Variants in CNTNAP2 observed in about 807,000 individuals in gnomAD.
CNTNAP2 encodes contactin associated protein 2.
Under a neutral mutation model 155.2 loss-of-function variants are expected in CNTNAP2, and 98 were observed. The observed-to-expected ratio is 0.63, with a 90% confidence interval of 0.54 to 0.75. CNTNAP2 has a LOEUF of 0.75. CNTNAP2 is among the 30% of genes least tolerant of loss of function. The pLI, the probability that CNTNAP2 is intolerant of heterozygous loss-of-function variation, is 0.00. For missense variants in CNTNAP2, 1,727 were observed against 1,688.1 expected, an observed-to-expected ratio of 1.02 and a Z score of -0.40; for synonymous variants, 651 against 631.2, an observed-to-expected ratio of 1.03 and a Z score of -0.47.
chr7:148,094,650 T>C (rs904038266), intron 15 of CNTNAP2, among the ~76,000 whole-genome samples: 3 of 152,208 alleles, frequency 2.0e-5, no homozygotes, highest in African/African-American at 7.2e-5. Flanking sequence ...TGATTTTGCA[T>C]GGGCATGAGA....
At chr7:146,887,036 T>G (rs1174226176) in intron 3 of CNTNAP2, among the ~76,000 whole-genome samples, 1 of 152,000 alleles carries the variant, frequency 6.6e-6, no homozygotes, top group Non-Finnish European at 1.5e-5. Flanking sequence ...CCCCTCATGC[T>G]TCTCTCCATT....
intron 13 of CNTNAP2, among the ~76,000 whole-genome samples, chr7:147,810,971 G>C (rs1798170531): frequency 6.6e-6 from 1 of 152,180 alleles, no homozygotes; most frequent in Non-Finnish European, 1.5e-5. Context: ...GTTCAAGAGA[G>C]GCACTCAGTT....
intron 10 of CNTNAP2, among the ~76,000 whole-genome samples, chr7:147,447,080 C>T (rs1453125425): frequency 1.3e-5 from 2 of 151,962 alleles, no homozygotes; most frequent in Admixed American, 6.6e-5. Flanking sequence ...TTTTTAATTA[C>T]TATGACTTCT....
At chr7:146,135,590 A>G (rs897134417) in intron 1 of CNTNAP2, among the ~76,000 whole-genome samples, 34 of 152,070 alleles carry the variant, frequency 2.2e-4, no homozygotes, top group Admixed American at 2.2e-3. Flanking sequence ...TATTATACAT[A>G]TGAGTGTGGT....
intron 15 of CNTNAP2, among the ~76,000 whole-genome samples, chr7:148,083,285 A>G (rs76548226): frequency 0.028 from 4,212 of 152,262 alleles, 91 homozygotes; most frequent in Non-Finnish European, 0.039. Flanking sequence ...TGACACTGAC[A>G]TTTTCTCAGT....
At chr7:146,933,243 T>C (rs971808668) in intron 3 of CNTNAP2, among the ~76,000 whole-genome samples, 28 of 152,058 alleles carry the variant, frequency 1.8e-4, no homozygotes, top group African/African-American at 5.8e-4. Flanking sequence ...AATAGAGATA[T>C]AGATCAATGG....
At chr7:147,045,281 C>T (rs755525674) in intron 4 of CNTNAP2, among the ~76,000 whole-genome samples, 3 of 152,024 alleles carry the variant, frequency 2.0e-5, no homozygotes, top group Non-Finnish European at 4.4e-5. Context: ...ATTTCAAATG[C>T]CCCCGTTGGA....
chr7:146,640,567 T>G (rs1799687878), intron 1 of CNTNAP2, among the ~76,000 whole-genome samples: 1 of 152,170 alleles, frequency 6.6e-6, no homozygotes, highest in Admixed American at 6.5e-5. Context: ...ATTAGTTTAA[T>G]GAGAATTATT....
chr7:147,611,427 G>T (rs1040192016), intron 12 of CNTNAP2, among the ~76,000 whole-genome samples: 7 of 152,132 alleles, frequency 4.6e-5, no homozygotes, highest in Non-Finnish European at 8.8e-5. Context: ...TGTAAATGTA[G>T]TCAGTAACTC....
intron 21 of CNTNAP2, among the ~76,000 whole-genome samples, chr7:148,270,058 G>A (rs773424229): frequency 3.4e-4 from 51 of 152,234 alleles, no homozygotes; most frequent in Middle Eastern, 3.4e-3. Flanking sequence ...TGATTTCTAG[G>A]TTCTGTCACT....
chr7:146,178,909 C>G (rs963599998), intron 1 of CNTNAP2, among the ~76,000 whole-genome samples: 19 of 152,276 alleles, frequency 1.2e-4, no homozygotes, highest in Non-Finnish European at 2.5e-4. Flanking sequence ...TCTAAAGCCA[C>G]CTAGCAGCTC....
At chr7:146,277,151 C>T (rs1251328279) in intron 1 of CNTNAP2, among the ~76,000 whole-genome samples, 1 of 152,046 alleles carries the variant, frequency 6.6e-6, no homozygotes, top group Non-Finnish European at 1.5e-5. Context: ...CCAACGGAGG[C>T]CTGGAGCAAC....
intron 13 of CNTNAP2, among the ~76,000 whole-genome samples, chr7:147,782,435 T>C (rs1297234123): frequency 6.6e-6 from 1 of 152,158 alleles, no homozygotes; most frequent in Non-Finnish European, 1.5e-5. Flanking sequence ...AATAGAAATG[T>C]ATTGCTCATT....
At chr7:147,655,385 A>C (rs551299445) in intron 13 of CNTNAP2, among the ~76,000 whole-genome samples, 223 of 152,302 alleles carry the variant, frequency 1.5e-3, no homozygotes, top group Admixed American at 2.0e-3. Context: ...GGCCTCCCAA[A>C]GTGCTGGGAT....
At chr7:147,641,116 C>T (rs1359500348) in intron 13 of CNTNAP2, among the ~76,000 whole-genome samples, 3 of 152,158 alleles carry the variant, frequency 2.0e-5, no homozygotes, top group Non-Finnish European at 2.9e-5. Context: ...CAAAGCTTGC[C>T]GGCCTGGCTC....
At chr7:147,881,886 C>T (rs894746939) in intron 13 of CNTNAP2, among the ~76,000 whole-genome samples, 4 of 152,032 alleles carry the variant, frequency 2.6e-5, no homozygotes, top group Non-Finnish European at 4.4e-5. Flanking sequence ...GTAGGAGCAT[C>T]GCTTGAACCT....
chr7:146,844,257 G>A (rs1803800457), intron 3 of CNTNAP2, among the ~76,000 whole-genome samples: 1 of 152,016 alleles, frequency 6.6e-6, no homozygotes, highest in African/African-American at 2.4e-5. Flanking sequence ...TGGTTTATCT[G>A]AATATTTAAT....
chr7:146,574,032 G>T lies in CNTNAP2; in HGVS notation c.98-200239G>T, dbSNP rs535623492. On this transcript the variant is annotated intron_variant, in intron 1 of 23. Transcript: ENST00000361727. ...TGGATACGCCATTTAACAAGAAATAGAGGCTCACTGGAACATGCTAAGAGG... is the reference window on the plus strand; with the variant it reads ...TGGATACGCCATTTAACAAGAAATATAGGCTCACTGGAACATGCTAAGAGG... Among the ~76,000 whole-genome samples the T allele has an allele frequency of 4.6e-5, 7 of 152,210 alleles. No individual in the cohort carries two copies. In the East Asian group the frequency reaches 1.2e-3, roughly 25 times the overall value.
chr7:146,461,268 G>T (rs1796631885), intron 1 of CNTNAP2, among the ~76,000 whole-genome samples: 1 of 151,902 alleles, frequency 6.6e-6, no homozygotes, highest in African/African-American at 2.4e-5. Context: ...AGCTGGGCGT[G>T]GTGGCAGGCA....
Sources: gnomAD v4.1 joint callset for allele counts (sites outside exome capture counted in the v4.1 genomes callset) on GRCh38, gnomAD v4.1.1 for gene constraint, MANE v1.5 for transcripts, NCBI Gene and HGNC (gene_info 2026-07-23, HGNC 2026-07-21) for gene names.